The following CENPW variants were observed in gnomAD, a reference collection of about 807,000 sequenced individuals.
CENPW encodes centromere protein W.
Under a neutral mutation model 11.1 loss-of-function variants are expected in CENPW, and 3 were observed. The ratio of observed to expected loss-of-function variants is 0.27; its 90% CI spans 0.12 to 0.70. CENPW has a LOEUF of 0.70. CENPW is among the 30% of genes least tolerant of loss of function. CENPW has a pLI of 0.77. For synonymous variants in CENPW, 38 were observed against 42.0 expected, an observed-to-expected ratio of 0.91 and a Z score of 0.37; for missense variants, 100 against 105.6, an observed-to-expected ratio of 0.95 and a Z score of 0.23.
intron 1 of CENPW, among the ~76,000 whole-genome samples, chr6:126,342,496 ATC>A (rs1297844775): frequency 6.6e-6 from 1 of 152,048 alleles, no homozygotes; most frequent in Non-Finnish European, 1.5e-5. Flanking sequence ...GAGAATGAAT[ATC>A]TCCTTTTCTG....
the CENPW span, among the ~76,000 whole-genome samples, chr6:126,479,379 A>G: frequency 2.6e-5 from 4 of 151,960 alleles, no homozygotes; most frequent in East Asian, 1.9e-4. Context: ...TGAGTATTCT[A>G]TGAGTACCTT....
At chr6:126,342,380 G>C (rs1051225949) in intron 1 of CENPW, among the ~76,000 whole-genome samples, 4 of 152,184 alleles carry the variant, frequency 2.6e-5, no homozygotes, top group African/African-American at 9.7e-5. Context: ...AACTTGGACA[G>C]CAGTAAGAGT....
the CENPW span, among the ~76,000 whole-genome samples, chr6:126,379,454 A>T: frequency 6.6e-6 from 1 of 152,172 alleles, no homozygotes. Flanking sequence ...TGCTTTGGGA[A>T]TAAAGGAAAG....
At chr6:126,411,908 C>T in the CENPW span, among the ~76,000 whole-genome samples, 2 of 131,588 alleles carry the variant, frequency 1.5e-5, no homozygotes, top group Non-Finnish European at 3.3e-5. Flanking sequence ...TCCTTCCTTC[C>T]TCCCTCCCCC....
At chr6:126,481,287 G>T in the CENPW span, among the ~76,000 whole-genome samples, 1 of 150,492 alleles carries the variant, frequency 6.6e-6, no homozygotes, top group Non-Finnish European at 1.5e-5. Flanking sequence ...TTTTTTTTTT[G>T]GGGTGCATAC....
the CENPW span, among the ~76,000 whole-genome samples, chr6:126,422,882 C>T: frequency 6.6e-6 from 1 of 152,062 alleles, no homozygotes; most frequent in Non-Finnish European, 1.5e-5. Flanking sequence ...TAAAGCACGC[C>T]TGTAGAATGA....
At chr6:126,476,901 C>A in the CENPW span, among the ~76,000 whole-genome samples, 1 of 151,714 alleles carries the variant, frequency 6.6e-6, no homozygotes, top group Non-Finnish European at 1.5e-5. Flanking sequence ...ATGTCTAACA[C>A]CAGATGGGTT....
At chr6:126,362,449 A>G in the CENPW span, among the ~76,000 whole-genome samples, 4 of 151,968 alleles carry the variant, frequency 2.6e-5, no homozygotes, top group African/African-American at 7.3e-5. Context: ...GGTGCACCCA[A>G]TTCAGTCTCA....
intron 2 of CENPW, among the ~76,000 whole-genome samples, chr6:126,346,669 T>G (rs888635531): frequency 3.9e-5 from 6 of 152,122 alleles, no homozygotes; most frequent in African/African-American, 1.4e-4. Flanking sequence ...ATTTTCACAC[T>G]GCTATAAAGA....
chr6:126,356,256 G>A, the CENPW span, among the ~76,000 whole-genome samples: 1 of 152,088 alleles, frequency 6.6e-6, no homozygotes, highest in Non-Finnish European at 1.5e-5. Flanking sequence ...ACCACAATGT[G>A]ATTATAACAC....
the CENPW span, among the ~76,000 whole-genome samples, chr6:126,387,373 C>G: frequency 2.6e-5 from 4 of 151,982 alleles, no homozygotes; most frequent in African/African-American, 7.2e-5. Context: ...TACGGCGTAG[C>G]TTGATTTTGG....
At chr6:126,352,148 A>T (rs1433506360), downstream of CENPW, among the ~76,000 whole-genome samples, 1 of 152,090 alleles carries the variant, frequency 6.6e-6, no homozygotes, top group Admixed American at 6.6e-5. Context: ...TTGTAAATAA[A>T]GCTTTATTGG....
the CENPW span, among the ~76,000 whole-genome samples, chr6:126,399,159 T>A: frequency 6.6e-6 from 1 of 152,256 alleles, no homozygotes; most frequent in African/African-American, 2.4e-5. Flanking sequence ...TTTATTTTCC[T>A]TTGGTTATAT....
chr6:126,344,723 CA>C (rs987540211), intron 1 of CENPW, among the ~76,000 whole-genome samples: 1 of 152,090 alleles, frequency 6.6e-6, no homozygotes, highest in Admixed American at 6.6e-5. Context: ...TTTAAATTCC[CA>C]AACCTCCGTT....
chr6:126,412,162 A>AT, the CENPW span, among the ~76,000 whole-genome samples: 1 of 128,112 alleles, frequency 7.8e-6, no homozygotes, highest in East Asian at 2.3e-4. Flanking sequence ...GAGTTTTTAA[A>AT]TTTTTTGTAA....
chr6:126,459,166 A>AT, the CENPW span, among the ~76,000 whole-genome samples: 1,513 of 151,416 alleles, frequency 1.0e-2, 22 homozygotes, highest in African/African-American at 0.035. Flanking sequence ...ATGCTAATGG[A>AT]TTTTTTTAGC....
chr6:126,406,318 AT>A, the CENPW span, among the ~76,000 whole-genome samples: 1 of 152,172 alleles, frequency 6.6e-6, no homozygotes, highest in Non-Finnish European at 1.5e-5. Flanking sequence ...GTATAAATTT[AT>A]TGATATGTTG....
At chr6:126,421,201 C>T in the CENPW span, among the ~76,000 whole-genome samples, 1 of 152,048 alleles carries the variant, frequency 6.6e-6, no homozygotes, top group Non-Finnish European at 1.5e-5. Flanking sequence ...CTCTACTATT[C>T]CACACTGTAG....
chr6:126,355,790 G>A, the CENPW span, among the ~76,000 whole-genome samples: 1 of 151,900 alleles, frequency 6.6e-6, no homozygotes, highest in Non-Finnish European at 1.5e-5. Context: ...TATTTCTTTG[G>A]TATTTTGCCA....
Sources: allele counts gnomAD v4.1 joint callset (sites outside exome capture counted in the v4.1 genomes callset), GRCh38; gene constraint gnomAD v4.1.1; transcripts MANE v1.5; gene names NCBI Gene and HGNC (gene_info 2026-07-23, HGNC 2026-07-21).